VAT1L: variants seen among roughly 807,000 people sequenced by gnomAD.
VAT1L encodes the protein putative NADPH-dependent quinone oxidoreductase VAT1L.
VAT1L carries 34 observed loss-of-function variants against 44.1 expected under a neutral mutation model. The ratio of observed to expected loss-of-function variants is 0.77; its 90% CI spans 0.59 to 1.03. The LOEUF is 1.03. Ranked by LOEUF, VAT1L falls within the 50% of genes least tolerant of loss-of-function variation. The pLI, the probability that VAT1L is intolerant of heterozygous loss-of-function variation, is 0.00. For missense variants in VAT1L, 615 were observed against 538.8 expected, an observed-to-expected ratio of 1.14 and a Z score of -1.40; for synonymous variants, 253 against 202.2, an observed-to-expected ratio of 1.25 and a Z score of -2.13.
chr16:77,862,843 G>C lies in VAT1L; in HGVS notation c.675G>C (p.Val225=), dbSNP rs142302332. 5 of 1,614,048 alleles carry C rather than the reference G, an allele frequency of 3.1e-6. No individual in the cohort carries two copies. The highest frequency in any genetic ancestry group is 1.7e-5 in the Admixed American group (1 of 59,994). The change falls in exon 4 of 9, where the codon GTG becomes GTC. Residue 225 remains valine, a synonymous_variant. Transcript: ENST00000302536. ...TFKHEAIKDS[V]THLFDRNADY... ...AGCATGAAGCAATCAAAGACTCTGT[G>C]ACCCACCTCTTTGACAGAAATGCAG...
chr16:77,865,753 A>G (rs2016967149), intron 4 of VAT1L, among the ~76,000 whole-genome samples: 1 of 152,174 alleles, frequency 6.6e-6, no homozygotes, highest in African/African-American at 2.4e-5. Context: ...CACATCAGGA[A>G]AAGCTTGCTG....
chr16:77,922,422 G>C (rs1236107447), intron 7 of VAT1L, among the ~76,000 whole-genome samples: 3 of 152,178 alleles, frequency 2.0e-5, no homozygotes, highest in Non-Finnish European at 4.4e-5. Context: ...GCCACTGTTA[G>C]AAATGTGCTG....
intron 3 of VAT1L, among the ~76,000 whole-genome samples, chr16:77,847,744 G>A (rs1315782897): frequency 6.6e-6 from 1 of 152,238 alleles, no homozygotes; most frequent in African/African-American, 2.4e-5. Context: ...GTGACAGTAA[G>A]TGTCACTGTA....
intron 1 of VAT1L, among the ~76,000 whole-genome samples, chr16:77,796,266 G>A (rs191157832): frequency 6.6e-6 from 1 of 152,320 alleles, no homozygotes; most frequent in African/African-American, 2.4e-5. Flanking sequence ...ACCAATGTCA[G>A]GTAGCTGATG....
intron 3 of VAT1L, among the ~76,000 whole-genome samples, chr16:77,839,761 G>A (rs1416370386): frequency 6.6e-6 from 1 of 152,066 alleles, no homozygotes; most frequent in Non-Finnish European, 1.5e-5. Context: ...AACCACTGAT[G>A]CAGAGCACTT....
chr16:77,792,935 A>G (rs1196874104), intron 1 of VAT1L, among the ~76,000 whole-genome samples: 1 of 152,212 alleles, frequency 6.6e-6, no homozygotes, highest in African/African-American at 2.4e-5. Context: ...TCAAAAAATG[A>G]TAACCATTAT....
intron 7 of VAT1L, among the ~76,000 whole-genome samples, chr16:77,901,776 GTCACCC>G (rs895897580): frequency 1.3e-5 from 2 of 152,084 alleles, no homozygotes; most frequent in African/African-American, 4.8e-5. Context: ...ACCACTGTGG[GTCACCC>G]TCACCCCTAA....
intron 7 of VAT1L, among the ~76,000 whole-genome samples, chr16:77,913,151 A>C (rs554778978): frequency 6.6e-6 from 1 of 152,250 alleles, no homozygotes; most frequent in South Asian, 2.1e-4. Context: ...TCTATGCTTT[A>C]TTTGGATTAA....
intron 4 of VAT1L, among the ~76,000 whole-genome samples, chr16:77,867,033 G>C (rs2142446324): frequency 6.6e-6 from 1 of 152,300 alleles, no homozygotes; most frequent in Admixed American, 6.5e-5. Flanking sequence ...GCCACGCTTT[G>C]TTGCTCTCCT....
chr16:77,959,459 C>G (rs2018138742), intron 7 of VAT1L, among the ~76,000 whole-genome samples: 1 of 152,190 alleles, frequency 6.6e-6, no homozygotes, highest in Admixed American at 6.5e-5. Flanking sequence ...AGGAATATCT[C>G]ACAGATGACT....
intron 1 of VAT1L, among the ~76,000 whole-genome samples, chr16:77,802,043 G>A (rs1213826568): frequency 1.3e-5 from 2 of 152,184 alleles, no homozygotes; most frequent in Non-Finnish European, 2.9e-5. Context: ...AGGAGAGACA[G>A]ACAGTCCATG....
rs1005516564 is a variant in VAT1L at position 77,810,603 on chromosome 16, A to G, written c.234-6318A>G. Among the ~76,000 whole-genome samples, 12 of 152,226 alleles carry G rather than the reference A, an allele frequency of 7.9e-5. No individual in the cohort carries two copies. In the South Asian group the frequency reaches 2.3e-3, roughly 29 times the overall value. Reference sequence around the variant, plus strand: ...GAGGATCACCTGAGCCCAGGAGGTCAAGACTGCAGTGAGCCATGTTCACGC... The same window carrying G: ...GAGGATCACCTGAGCCCAGGAGGTCGAGACTGCAGTGAGCCATGTTCACGC... On this transcript the variant is annotated intron_variant, in intron 1 of 8. Transcript: ENST00000302536.
chr16:77,869,580 G>T (rs1346544085), intron 4 of VAT1L, among the ~76,000 whole-genome samples: 1 of 152,158 alleles, frequency 6.6e-6, no homozygotes, highest in Non-Finnish European at 1.5e-5. Flanking sequence ...GAGACAGGAG[G>T]ATCTCTTGAG....
intron 7 of VAT1L, among the ~76,000 whole-genome samples, chr16:77,901,912 A>C (rs937594005): frequency 6.6e-6 from 1 of 152,132 alleles, no homozygotes; most frequent in African/African-American, 2.4e-5. Flanking sequence ...GATAATTTTC[A>C]CCTCATTTAT....
At chr16:77,872,172 C>T (rs1293224396) in intron 4 of VAT1L, among the ~76,000 whole-genome samples, 3 of 152,116 alleles carry the variant, frequency 2.0e-5, no homozygotes, top group Non-Finnish European at 4.4e-5. Context: ...GAAATGAATG[C>T]TTAACACTGA....
At chr16:77,906,361 G>T (rs772148027) in intron 7 of VAT1L, among the ~76,000 whole-genome samples, 2 of 152,164 alleles carry the variant, frequency 1.3e-5, no homozygotes, top group Non-Finnish European at 2.9e-5. Context: ...TGTTGTGCTT[G>T]ACCTGGTTCT....
At chr16:77,945,912 C>A (rs932453234) in intron 7 of VAT1L, among the ~76,000 whole-genome samples, 1 of 151,914 alleles carries the variant, frequency 6.6e-6, no homozygotes, top group Non-Finnish European at 1.5e-5. Flanking sequence ...AGTGATTCTC[C>A]TGCCTCAGCC....
intron 7 of VAT1L, among the ~76,000 whole-genome samples, chr16:77,889,563 C>G (rs1476426921): frequency 6.6e-6 from 1 of 152,138 alleles, no homozygotes; most frequent in Admixed American, 6.5e-5. Flanking sequence ...ATTTGTCAAC[C>G]AAGCAGCAGT....
intron 4 of VAT1L, among the ~76,000 whole-genome samples, chr16:77,867,342 G>A (rs928149252): frequency 6.6e-6 from 1 of 152,076 alleles, no homozygotes; most frequent in African/African-American, 2.4e-5. Context: ...ACAGTTTACT[G>A]TATGTCAATT....
Sources: allele counts gnomAD v4.1 joint callset (sites outside exome capture counted in the v4.1 genomes callset), GRCh38; gene constraint gnomAD v4.1.1; transcripts MANE v1.5; gene names NCBI Gene and HGNC (gene_info 2026-07-23, HGNC 2026-07-21).